CCDC62: variants seen among roughly 807,000 people sequenced by gnomAD.
The protein encoded by CCDC62 is coiled-coil domain containing 62, also known as coiled-coil domain-containing protein 62.
A neutral mutation model predicts 80.8 loss-of-function variants in CCDC62; 72 were observed. That is an observed-to-expected ratio of 0.89 (90% CI 0.74 to 1.08). CCDC62 has a LOEUF of 1.08. Among genes scored for constraint, CCDC62 ranks in the 50% least tolerant of loss-of-function variants. The pLI is 0.00. For missense variants in CCDC62, 704 were observed against 809.4 expected (o/e 0.87, Z 1.58); for synonymous variants, 286 against 296.5 (o/e 0.96, Z 0.36).
chr12:122,794,980 A>G (rs1280749589), intron 6 of CCDC62, among the ~76,000 whole-genome samples: 1 of 152,036 alleles, frequency 6.6e-6, no homozygotes, highest in African/African-American at 2.4e-5. Context: ...TTAAGCCCAA[A>G]AAAGAATTTT....
At chr12:122,813,445 A>T (rs1341686103) in intron 11 of CCDC62, 26 bp downstream of exon 11, 1 of 1,601,190 alleles carries the variant, frequency 6.2e-7, no homozygotes, top group South Asian at 1.1e-5. Flanking sequence ...TCTCTTGACT[A>T]TATTTGTCAC....
intron 11 of CCDC62, 93 bp downstream of exon 11, chr12:122,813,512 T>A: frequency 8.4e-7 from 1 of 1,191,750 alleles, no homozygotes; most frequent in Non-Finnish European, 1.2e-6. Flanking sequence ...GCGGCCTTTC[T>A]GTTAGAGGGA....
At chr12:122,812,823 G>GAAAGAAAGAA (rs1566086829) in intron 10 of CCDC62, among the ~76,000 whole-genome samples, 14 of 147,498 alleles carry the variant, frequency 9.5e-5, no homozygotes, top group African/African-American at 2.8e-4. Flanking sequence ...AAGAAAGAAA[G>GAAAGAAAGAA]AAAGAAAAGG....
In CCDC62 at chr12:122,801,445, A is replaced by G. The variant is rs2031300215; in HGVS notation, c.1299A>G (p.Lys433=). ...NKITLCKIHT[K]SPKCHGTGVQ... is the part of the protein sequence containing the mutation. ...TTACATTGTGCAAGATCCACACAAA[A>G]TCACCAAAATGTCATGGCACTGGGG... is the stretch of plus-strand genomic sequence containing the variant. The change falls in exon 9 of 13, where the codon AAA becomes AAG. Residue 433 remains lysine (K), a synonymous_variant. Coordinates refer to ENST00000253079, the MANE Select transcript of CCDC62 (RefSeq NM_201435.5). 1 of 1,614,180 alleles carries G rather than the reference A, an allele frequency of 6.2e-7. No homozygotes were observed. Among genetic ancestry groups the G allele is most frequent in the Non-Finnish European group, 8.5e-7 (1 of 1,180,026 alleles).
chr12:122,807,151 T>C (rs1244712433), intron 10 of CCDC62, among the ~76,000 whole-genome samples: 1 of 152,172 alleles, frequency 6.6e-6, no homozygotes, highest in African/African-American at 2.4e-5. Context: ...GAAGAATTGC[T>C]TAAGCCCAGG....
intron 12 of CCDC62, 100 bp from the exon 13 acceptor site, chr12:122,826,322 A>T: frequency 1.6e-6 from 1 of 637,026 alleles, no homozygotes. Flanking sequence ...GAAAATCAGG[A>T]TGTAGAGTTA....
At chr12:122,817,292 C>T (rs1374612156) in intron 11 of CCDC62, among the ~76,000 whole-genome samples, 1 of 150,848 alleles carries the variant, frequency 6.6e-6, no homozygotes, top group African/African-American at 2.5e-5. Flanking sequence ...GATCTCCTGA[C>T]CTTGTGATCC....
At chr12:122,824,428 C>CA (rs35826147) in intron 12 of CCDC62, among the ~76,000 whole-genome samples, 121,702 of 151,932 alleles carry the variant, frequency 0.8, 49,720 homozygotes, top group Middle Eastern at 0.9. Context: ...AACAAACAAA[C>CA]AAAAAACCAA....
At chr12:122,808,010 T>A (rs2031693774) in intron 10 of CCDC62, among the ~76,000 whole-genome samples, 1 of 152,152 alleles carries the variant, frequency 6.6e-6, no homozygotes, top group Admixed American at 6.6e-5. Context: ...ATGGTCTTTG[T>A]CATTAAAAGT....
rs376731576 is a variant in CCDC62, at chr12:122,785,870, A to G, written c.498+50A>G. Reference sequence around the variant, plus strand: ...ATTTGCCAGAGTGCTTGGTAGTTATATCCATATTCATTATCTTACCTAAGT... The same window carrying G: ...ATTTGCCAGAGTGCTTGGTAGTTATGTCCATATTCATTATCTTACCTAAGT... On this transcript the variant is annotated intron_variant, in intron 4 of 12. Transcript: ENST00000253079. 7 of 1,188,500 alleles carry G rather than the reference A, an allele frequency of 5.9e-6. No individual in the cohort carries two copies. In the African/African-American group the frequency reaches 1.1e-4, roughly 18 times the overall value. The allele number at this position is 1,188,500 out of a possible 1,614,324, so 73.6% of individuals were successfully genotyped here.
intron 11 of CCDC62, among the ~76,000 whole-genome samples, chr12:122,817,189 C>G (rs949108673): frequency 6.7e-6 from 1 of 150,244 alleles, no homozygotes; most frequent in Admixed American, 6.7e-5. Context: ...GTAGCTGGGA[C>G]TACAGGCACC....
chr12:122,789,660 C>T (rs753435885), intron 5 of CCDC62, among the ~76,000 whole-genome samples: 5 of 152,100 alleles, frequency 3.3e-5, no homozygotes, highest in African/African-American at 4.8e-5. Flanking sequence ...CTGGAACTCC[C>T]GACCTCAGGT....
intron 5 of CCDC62, 38 bp from the exon 6 acceptor site, chr12:122,791,982 T>C (rs759926309): frequency 4.3e-6 from 6 of 1,383,802 alleles, no homozygotes; most frequent in African/African-American, 4.3e-5. Flanking sequence ...TGGAACCTAG[T>C]ATTTATTTGA....
At chr12:122,825,606 T>C (rs2032588737) in intron 12 of CCDC62, among the ~76,000 whole-genome samples, 1 of 147,752 alleles carries the variant, frequency 6.8e-6, no homozygotes. Flanking sequence ...TCCGCCCGCC[T>C]CGGCCTCCCA....
At chr12:122,808,129 T>A (rs979671644) in intron 10 of CCDC62, among the ~76,000 whole-genome samples, 1 of 151,982 alleles carries the variant, frequency 6.6e-6, no homozygotes, top group African/African-American at 2.4e-5. Flanking sequence ...AAATCCCCTG[T>A]CTACTAAAAA....
At chr12:122,791,953 A>G (rs2030635831) in intron 5 of CCDC62, 67 bp from the exon 6 acceptor site, 1 of 1,017,464 alleles carries the variant, frequency 9.8e-7, no homozygotes, top group Non-Finnish European at 1.6e-6. Flanking sequence ...AGAGTTAGGC[A>G]TAGTGTGTAT....
intron 10 of CCDC62, among the ~76,000 whole-genome samples, chr12:122,812,791 G>GA (rs1348176289): frequency 7.1e-6 from 1 of 141,816 alleles, no homozygotes; most frequent in Non-Finnish European, 1.5e-5. Context: ...AAGAAAGAAA[G>GA]AAAGAAAGAA....
chr12:122,811,821 CAAAAAAAAA>C (rs67025764), intron 10 of CCDC62, among the ~76,000 whole-genome samples: 1 of 34,646 alleles, frequency 2.9e-5, no homozygotes, highest in South Asian at 2.1e-3. Flanking sequence ...ACTCCATCTG[CAAAAAAAAA>C]AAAAAAAAAA....
intron 3 of CCDC62, among the ~76,000 whole-genome samples, chr12:122,785,121 GAC>G (rs2030132359): frequency 1.3e-5 from 2 of 152,112 alleles, no homozygotes; most frequent in African/African-American, 4.8e-5. Context: ...CAGCCTGGGC[GAC>G]AGAGTGAGAC....
Sources: allele counts gnomAD v4.1 joint callset (sites outside exome capture counted in the v4.1 genomes callset), GRCh38; gene constraint gnomAD v4.1.1; transcripts MANE v1.5; gene names NCBI Gene and HGNC (gene_info 2026-07-23, HGNC 2026-07-21).